Variants in DRICH1 observed in about 807,000 individuals in gnomAD.
DRICH1 encodes aspartate rich 1, also known as aspartate-rich protein 1.
Under a neutral mutation model 39.5 loss-of-function variants are expected in DRICH1, and 38 were observed. The observed-to-expected ratio is 0.96, with a 90% confidence interval of 0.74 to 1.26. DRICH1 has a LOEUF of 1.26. DRICH1 is among the 50% of genes most tolerant of loss of function. The pLI, the probability that DRICH1 is intolerant of heterozygous loss-of-function variation, is 0.00. For missense variants in DRICH1, 279 were observed against 270.4 expected (o/e 1.03, Z -0.22); for synonymous variants, 84 against 99.5 (o/e 0.84, Z 0.93).
chr22:23,632,551 G>T (rs5996586), upstream of DRICH1, among the ~76,000 whole-genome samples: 143 of 152,244 alleles, frequency 9.4e-4, 1 homozygote, highest in African/African-American at 3.3e-3. Context: ...GAGCTTTCCA[G>T]TCCTGAGCTA....
Position 23,613,527 on chromosome 22 carries a change from C to CT in DRICH1, c.643+111dup, listed in dbSNP as rs1369804943. The CT allele has an allele frequency of 6.2e-6, 6 of 972,748 alleles. No homozygotes were observed. The African/African-American group carries it at 9.7e-5, about 16-fold the overall frequency. The allele number at this position is 972,748 out of a possible 1,614,324, so 60.3% of individuals were successfully genotyped here. A position where few individuals can be genotyped will look rare whatever the true frequency, so the allele number is the denominator to read the frequency against. On this transcript the variant is annotated intron_variant, in intron 10 of 11. Coordinates refer to ENST00000317749, the MANE Select transcript of DRICH1 (RefSeq NM_016449.4). The stretch of plus-strand genomic sequence containing the variant: ...CCAGAGTTCTATACTGGCAGAATCA[C>CT]TTTCACGAGAACCCCAAGCCTCTTT...
chr22:23,600,417 T>C, the DRICH1 span, among the ~76,000 whole-genome samples: 31 of 152,248 alleles, frequency 2.0e-4, no homozygotes, highest in East Asian at 5.6e-3. Flanking sequence ...GAACAGTTCC[T>C]GGGGATCCCT....
At chr22:23,607,195 G>A (rs984714187), downstream of DRICH1, 3 of 152,664 alleles carry the variant, frequency 2.0e-5, no homozygotes, top group Admixed American at 6.5e-5. Context: ...TGAGGAAGGC[G>A]AGAACAGGAG....
Position 23,612,466 on chromosome 22 carries a change from C to CAAAAAA in DRICH1, c.685+817_685+822dup, listed in dbSNP as rs1211963554. Among the ~76,000 whole-genome samples the CAAAAAA allele has an allele frequency of 1.1e-3, 28 of 24,774 alleles. 1 individual carries two copies. Among genetic ancestry groups the CAAAAAA allele is most frequent in the Admixed American group, 3.2e-3 (7 of 2,200 alleles). The allele number at this position is 24,774 out of a possible 152,430, so 16.3% of individuals were successfully genotyped here. ...TGGGTGACAGAGCGAGACTCCATCT[C>CAAAAAA]AAAAAAAAAAAAAAAGAAAAAAAAA... On this transcript the variant is annotated intron_variant, in intron 11 of 11. Transcript: ENST00000317749.
In DRICH1 at chr22:23,617,661, G is replaced by A. The variant is rs769632460; in HGVS notation, c.437-4C>T. 16 of 1,613,690 alleles carry A rather than the reference G, an allele frequency of 9.9e-6. No individual in the cohort carries two copies. Among genetic ancestry groups the A allele is most frequent in the African/African-American group, 1.3e-5 (1 of 74,826 alleles). The stretch of plus-strand genomic sequence containing the variant: ...CTCAGGTTGTCCTCAGAAGAACCTG[G>A]AAGCACACAGAGGAAAGATCCGTGC... On this transcript the variant is annotated splice_polypyrimidine_tract_variant and splice_region_variant and intron_variant, in intron 6 of 11. Coordinates refer to ENST00000317749, the MANE Select transcript of DRICH1 (RefSeq NM_016449.4).
chr22:23,587,536 G>A, the DRICH1 span, among the ~76,000 whole-genome samples: 1 of 152,200 alleles, frequency 6.6e-6, no homozygotes, highest in African/African-American at 2.4e-5. Context: ...TGCCTTCCCT[G>A]GGGCACAGAG....
downstream of DRICH1, among the ~76,000 whole-genome samples, chr22:23,606,083 C>T (rs1926718055): frequency 6.6e-6 from 1 of 151,310 alleles, no homozygotes; most frequent in Non-Finnish European, 1.5e-5. Flanking sequence ...GAGTGAGACC[C>T]CACCTCAAAA....
chr22:23,609,624 G>T (rs946982731), intron 11 of DRICH1, among the ~76,000 whole-genome samples: 1 of 151,978 alleles, frequency 6.6e-6, no homozygotes, highest in African/African-American at 2.4e-5. Flanking sequence ...GACTTTCCCT[G>T]GCAGGACTGT....
At chr22:23,622,685 A>T (rs1420395064) in intron 3 of DRICH1, among the ~76,000 whole-genome samples, 3 of 86,550 alleles carry the variant, frequency 3.5e-5, no homozygotes, top group African/African-American at 1.3e-4. Flanking sequence ...GACCATTTAA[A>T]AAAGAATATG....
chr22:23,619,533 A>G, intron 5 of DRICH1, 140 bp from the exon 6 acceptor site: 1 of 684,664 alleles, frequency 1.5e-6, no homozygotes, highest in Admixed American at 2.1e-5. Context: ...GAGAAATGCA[A>G]ACAGCATGCT....
intron 11 of DRICH1, 105 bp from the exon 12 acceptor site, chr22:23,608,873 GCCTCT>G: frequency 8.2e-7 from 1 of 1,217,024 alleles, no homozygotes; most frequent in Non-Finnish European, 1.2e-6. Context: ...CTGGGCTCCC[GCCTCT>G]GCAGTCCAGG....
At chr22:23,607,682 C>T (rs184956388), downstream of DRICH1, among the ~76,000 whole-genome samples, 5 of 152,290 alleles carry the variant, frequency 3.3e-5, no homozygotes, top group Admixed American at 2.0e-4. Context: ...GCCCCATCCC[C>T]GCCCCATCAT....
the DRICH1 span, among the ~76,000 whole-genome samples, chr22:23,595,043 C>T: frequency 1.3e-5 from 2 of 149,272 alleles, no homozygotes; most frequent in Non-Finnish European, 3.0e-5. Flanking sequence ...GAGAGGAAAG[C>T]CAGGGTCTCC....
the DRICH1 span, among the ~76,000 whole-genome samples, chr22:23,599,646 G>A: frequency 3.3e-5 from 5 of 152,248 alleles, no homozygotes; most frequent in East Asian, 9.6e-4. Context: ...GGGGCGCTGA[G>A]GTCACTCCTG....
chr22:23,599,575 T>C, the DRICH1 span, among the ~76,000 whole-genome samples: 5 of 152,200 alleles, frequency 3.3e-5, no homozygotes, highest in Non-Finnish European at 5.9e-5. Context: ...GTCTCTGAGA[T>C]GATCCCTCAG....
intron 11 of DRICH1, among the ~76,000 whole-genome samples, 192 bp downstream of exon 11, chr22:23,613,097 T>A (rs963179609): frequency 1.3e-5 from 2 of 152,182 alleles, no homozygotes; most frequent in African/African-American, 4.8e-5. Context: ...AGCACCCTCA[T>A]AGCCCATAGA....
At chr22:23,603,006 CTTTTTTT>C in the DRICH1 span, among the ~76,000 whole-genome samples, 1 of 130,026 alleles carries the variant, frequency 7.7e-6, no homozygotes, top group African/African-American at 2.8e-5. Context: ...AACACATTTA[CTTTTTTT>C]TTTTTTTTTT....
chr22:23,629,681 G>T (rs1272366968), intron 1 of DRICH1, among the ~76,000 whole-genome samples: 1 of 152,096 alleles, frequency 6.6e-6, no homozygotes, highest in African/African-American at 2.4e-5. Flanking sequence ...GCAGTGGCTC[G>T]ATCTCGGCTC....
chr22:23,616,802 TAAAGCCAGCAAGTTTGTTTCTCAG>T (rs756114441), intron 8 of DRICH1, 27 bp downstream of exon 8: 4 of 1,610,418 alleles, frequency 2.5e-6, no homozygotes, highest in Non-Finnish European at 3.4e-6. Flanking sequence ...TTCCATATAT[TAAAGCCAGCAAGTTTGTTTCTCAG>T]AAAGTGAGTT....
Sources: gnomAD v4.1 joint callset for allele counts (sites outside exome capture counted in the v4.1 genomes callset) on GRCh38, gnomAD v4.1.1 for gene constraint, MANE v1.5 for transcripts, NCBI Gene and HGNC (gene_info 2026-07-23, HGNC 2026-07-21) for gene names.